The following CAST variants were observed in gnomAD, a reference collection of about 807,000 sequenced individuals.
The protein encoded by CAST is MIR583 host.
A neutral mutation model predicts 119.6 loss-of-function variants in CAST; 76 were observed. That is an observed-to-expected ratio of 0.64 (90% CI 0.53 to 0.77). CAST has a LOEUF of 0.77. Ranked by LOEUF, CAST falls within the 30% of genes least tolerant of loss-of-function variation. The pLI, the probability that CAST is intolerant of heterozygous loss-of-function variation, is 0.00. For synonymous variants in CAST, 319 were observed against 331.6 expected (o/e 0.96, Z 0.41); for missense variants, 953 against 946.5 (o/e 1.01, Z -0.09).
At chr5:96,702,668 G>C in intron 3 of CAST, 1 of 595,894 alleles carries the variant, frequency 1.7e-6, no homozygotes, top group African/African-American at 2.0e-5. Flanking sequence ...CCAGTCTCCA[G>C]ATGCCAGGCG....
the CAST span, among the ~76,000 whole-genome samples, chr5:96,311,873 A>G: frequency 6.6e-6 from 1 of 151,870 alleles, no homozygotes; most frequent in Non-Finnish European, 1.5e-5. Context: ...TATTCACTCT[A>G]TGTCTTTTTA....
the CAST span, among the ~76,000 whole-genome samples, chr5:96,172,483 A>G: frequency 3.3e-5 from 5 of 152,370 alleles, no homozygotes; most frequent in East Asian, 7.7e-4. Context: ...TTTCAAATAT[A>G]CATGGTATAT....
chr5:96,722,932 G>C (rs1317465082), intron 4 of CAST, among the ~76,000 whole-genome samples: 1 of 151,376 alleles, frequency 6.6e-6, no homozygotes, highest in African/African-American at 2.4e-5. Flanking sequence ...GAGTCACCTA[G>C]AGTTGTTTTG....
At chr5:96,243,801 G>A in the CAST span, among the ~76,000 whole-genome samples, 55 of 152,142 alleles carry the variant, frequency 3.6e-4, no homozygotes, top group South Asian at 2.9e-3. Context: ...AAACTACCCC[G>A]ACCTCTCCCT....
At chr5:96,412,468 A>G in the CAST span, 6 of 1,614,154 alleles carry the variant, frequency 3.7e-6, no homozygotes, top group Non-Finnish European at 4.2e-6. Flanking sequence ...CATCCGTCAC[A>G]ATGCCATCCA....
the CAST span, among the ~76,000 whole-genome samples, chr5:96,355,710 A>AT: frequency 3.8e-4 from 56 of 148,860 alleles, no homozygotes; most frequent in Middle Eastern, 6.9e-3. Flanking sequence ...GACGTCTTTT[A>AT]TTTTTTTTTT....
the CAST span, chr5:96,397,510 T>C: frequency 2.3e-5 from 36 of 1,534,512 alleles, no homozygotes; most frequent in Non-Finnish European, 3.0e-5. Context: ...CTAATAGCTC[T>C]GATAGTAGGA....
chr5:96,759,068 G>C (rs1480699113), intron 24 of CAST, among the ~76,000 whole-genome samples: 1 of 152,134 alleles, frequency 6.6e-6, no homozygotes, highest in Admixed American at 6.5e-5. Context: ...ATATGTAGCA[G>C]TGAAATGGTG....
the CAST span, among the ~76,000 whole-genome samples, chr5:96,108,417 T>C: frequency 6.6e-6 from 1 of 152,232 alleles, no homozygotes; most frequent in East Asian, 1.9e-4. Flanking sequence ...GGATGTCCTT[T>C]CTGTTTGTTA....
chr5:96,676,293 T>C (rs1750701574), intron 2 of CAST, among the ~76,000 whole-genome samples: 1 of 152,202 alleles, frequency 6.6e-6, no homozygotes, highest in Non-Finnish European at 1.5e-5. Context: ...CCAGTAGAAA[T>C]TGAGTCATTT....
the CAST span, among the ~76,000 whole-genome samples, chr5:96,503,066 C>T: frequency 6.6e-6 from 1 of 152,298 alleles, no homozygotes; most frequent in Admixed American, 6.5e-5. Context: ...CTGTAATTTA[C>T]ATTCCCACAA....
the CAST span, among the ~76,000 whole-genome samples, chr5:96,352,911 C>T: frequency 1.3e-5 from 2 of 152,134 alleles, no homozygotes; most frequent in Admixed American, 6.6e-5. Context: ...GCTTCCCCTT[C>T]GCCTTCTGCC....
intron 3 of CAST, among the ~76,000 whole-genome samples, chr5:96,710,336 T>A (rs1302396066): frequency 2.6e-5 from 4 of 152,222 alleles, no homozygotes; most frequent in Non-Finnish European, 5.9e-5. Context: ...GTCCTTTCAA[T>A]GAGCCACTAC....
At chr5:96,499,639 T>C in the CAST span, among the ~76,000 whole-genome samples, 1 of 152,228 alleles carries the variant, frequency 6.6e-6, no homozygotes, top group South Asian at 2.1e-4. Context: ...CTTCCTTTTG[T>C]GAAAGATTTG....
the CAST span, among the ~76,000 whole-genome samples, chr5:96,474,212 G>A: frequency 6.6e-6 from 1 of 152,274 alleles, no homozygotes; most frequent in South Asian, 2.1e-4. Context: ...AGGACTGCCA[G>A]GAACGAGGTC....
intron 1 of CAST, among the ~76,000 whole-genome samples, chr5:96,563,658 A>AAT (rs1554067939): frequency 2.6e-5 from 4 of 151,872 alleles, no homozygotes; most frequent in Admixed American, 1.3e-4. Context: ...TTATAAAAAA[A>AAT]AAGCATTCTT....
chr5:95,983,942 G>A, the CAST span, among the ~76,000 whole-genome samples: 6 of 152,138 alleles, frequency 3.9e-5, no homozygotes, highest in African/African-American at 1.4e-4. Context: ...ATTTGGAGGG[G>A]TAAAAATGGG....
intron 1 of CAST, among the ~76,000 whole-genome samples, chr5:96,669,534 C>T (rs1010849491): frequency 6.6e-6 from 1 of 152,150 alleles, no homozygotes; most frequent in African/African-American, 2.4e-5. Flanking sequence ...ATAAAGTAAT[C>T]AGTAAGCAAG....
At chr5:96,032,856 C>T in the CAST span, among the ~76,000 whole-genome samples, 1 of 151,986 alleles carries the variant, frequency 6.6e-6, no homozygotes, top group Non-Finnish European at 1.5e-5. Context: ...AAATAAAAGG[C>T]CTCTAAATTG....
Sources: allele counts gnomAD v4.1 joint callset (sites outside exome capture counted in the v4.1 genomes callset), GRCh38; gene constraint gnomAD v4.1.1; transcripts MANE v1.5; gene names NCBI Gene and HGNC (gene_info 2026-07-23, HGNC 2026-07-21).